The following RASGRF2 variants were observed in gnomAD, a reference collection of about 807,000 sequenced individuals.
RASGRF2 encodes Ras protein specific guanine nucleotide releasing factor 2.
Under a neutral mutation model 151.0 loss-of-function variants are expected in RASGRF2, and 76 were observed. The observed-to-expected ratio is 0.50, with a 90% CI of 0.42 to 0.61. RASGRF2 has a LOEUF of 0.61. Ranked by LOEUF, RASGRF2 falls within the 20% of genes least tolerant of loss-of-function variation. The probability of loss-of-function intolerance (pLI) is 0.00; values close to 1 mark genes in which losing one functional copy is unlikely to be tolerated. For missense variants in RASGRF2, 1,148 were observed against 1,564.6 expected (o/e 0.73, Z 4.49); for synonymous variants, 504 against 566.5 (o/e 0.89, Z 1.57).
chr5:81,178,761 C>T (rs1490615023), intron 17 of RASGRF2, among the ~76,000 whole-genome samples: 3 of 151,070 alleles, frequency 2.0e-5, no homozygotes, highest in East Asian at 3.9e-4. Flanking sequence ...TTTTTTGAGA[C>T]GGAGTCTCGC....
intron 25 of RASGRF2, among the ~76,000 whole-genome samples, chr5:81,218,960 G>A (rs1380718902): frequency 1.3e-5 from 2 of 152,086 alleles, no homozygotes; most frequent in Non-Finnish European, 2.9e-5. Context: ...TGATTGAGGA[G>A]ATTTTTGGCA....
intron 1 of RASGRF2, among the ~76,000 whole-genome samples, chr5:81,005,006 A>T (rs1271733694): frequency 1.3e-5 from 2 of 152,180 alleles, no homozygotes; most frequent in Non-Finnish European, 2.9e-5. Flanking sequence ...GCCCTTAGCC[A>T]TCATCTCCTA....
intron 1 of RASGRF2, among the ~76,000 whole-genome samples, chr5:81,008,796 T>C (rs1749360779): frequency 2.6e-5 from 4 of 152,212 alleles, no homozygotes; most frequent in African/African-American, 9.7e-5. Context: ...AGAACCATTA[T>C]AAAATTCAAG....
chr5:81,224,959 T>C (rs1755941984), intron 26 of RASGRF2, among the ~76,000 whole-genome samples: 1 of 152,136 alleles, frequency 6.6e-6, no homozygotes, highest in Admixed American at 6.6e-5. Flanking sequence ...GTAAGTTACA[T>C]GGTGTATACA....
Position 81,020,660 on chromosome 5 carries a change from G to C in RASGRF2, c.289-22217G>C, listed in dbSNP as rs189161867. Among the ~76,000 whole-genome samples the C allele has an allele frequency of 4.4e-3, 665 of 152,234 alleles. 6 individuals carry two copies. The highest frequency in any genetic ancestry group is 0.014 in the African/African-American group (579 of 41,548). The stretch of plus-strand genomic sequence containing the variant: ...GAGAGGGACTCCTTTTTGCCAGAAG[G>C]CTCCAGGGGAGGATTCTCTTGGAGT... On this transcript the variant is annotated intron_variant, in intron 1 of 26. Coordinates refer to ENST00000265080, the MANE Select transcript of RASGRF2 (RefSeq NM_006909.3).
At chr5:81,004,845 G>A (rs982373340) in intron 1 of RASGRF2, among the ~76,000 whole-genome samples, 1 of 152,186 alleles carries the variant, frequency 6.6e-6, no homozygotes, top group African/African-American at 2.4e-5. Context: ...CTATGTAGCT[G>A]ATTGTTCTTT....
intron 19 of RASGRF2, among the ~76,000 whole-genome samples, chr5:81,202,878 G>A (rs1201843699): frequency 6.6e-6 from 1 of 152,264 alleles, no homozygotes; most frequent in Non-Finnish European, 1.5e-5. Context: ...AAAGGCAAGG[G>A]AGGGTTCCCC....
intron 15 of RASGRF2, among the ~76,000 whole-genome samples, chr5:81,114,368 G>T (rs1753092532): frequency 6.6e-6 from 1 of 152,210 alleles, no homozygotes; most frequent in African/African-American, 2.4e-5. Flanking sequence ...CCCTGCTGAG[G>T]ATGAGCTAGG....
At chr5:81,191,625 C>T (rs1197522554) in intron 18 of RASGRF2, among the ~76,000 whole-genome samples, 1 of 151,890 alleles carries the variant, frequency 6.6e-6, no homozygotes, top group Non-Finnish European at 1.5e-5. Context: ...TTGAAAATGA[C>T]AATCCATATA....
intron 1 of RASGRF2, among the ~76,000 whole-genome samples, chr5:80,969,208 G>T (rs1747823366): frequency 6.9e-6 from 1 of 144,344 alleles, no homozygotes; most frequent in Non-Finnish European, 1.5e-5. Flanking sequence ...TCAGCTCACG[G>T]CAATCTCTGC....
intron 2 of RASGRF2, among the ~76,000 whole-genome samples, chr5:81,044,378 A>G (rs1750770074): frequency 6.6e-6 from 1 of 152,106 alleles, no homozygotes; most frequent in African/African-American, 2.4e-5. Context: ...AGATCACACC[A>G]CTGCACTCCA....
intron 2 of RASGRF2, among the ~76,000 whole-genome samples, chr5:81,059,584 C>T (rs1389565235): frequency 6.6e-5 from 10 of 151,960 alleles, no homozygotes; most frequent in African/African-American, 2.4e-4. Flanking sequence ...CGGTGGCTCA[C>T]ACCTGTAATC....
intron 17 of RASGRF2, among the ~76,000 whole-genome samples, chr5:81,163,331 A>C (rs1754430889): frequency 6.6e-6 from 1 of 152,166 alleles, no homozygotes. Flanking sequence ...CACGCCCCAA[A>C]GTACAGAGAG....
chr5:80,964,426 T>A (rs34476345), intron 1 of RASGRF2, among the ~76,000 whole-genome samples: 1 of 152,174 alleles, frequency 6.6e-6, no homozygotes, highest in South Asian at 2.1e-4. Context: ...GTGCTCTTGG[T>A]GGCTGTTATC....
intron 1 of RASGRF2, among the ~76,000 whole-genome samples, chr5:81,029,227 G>T (rs181029036): frequency 3.2e-4 from 48 of 152,364 alleles, no homozygotes; most frequent in African/African-American, 1.1e-3. Flanking sequence ...TGAGGGCAGG[G>T]CATAGCTGAA....
At chr5:81,058,281 TAAG>T (rs936105012) in intron 2 of RASGRF2, among the ~76,000 whole-genome samples, 5 of 152,108 alleles carry the variant, frequency 3.3e-5, no homozygotes, top group African/African-American at 1.2e-4. Flanking sequence ...ATGAAAATAA[TAAG>T]GAGATTAGGC....
rs759919773 is a variant in RASGRF2 at position 81,228,405 on chromosome 5, C to G, written c.*2635C>G. Reference sequence around the variant, plus strand: ...TCAATTTGGTCAAATTAAAAATCCCCAAGAGCAATTTGCAGTGTTTTTTCT... The same window carrying G: ...TCAATTTGGTCAAATTAAAAATCCCGAAGAGCAATTTGCAGTGTTTTTTCT... On this transcript the variant is annotated 3_prime_UTR_variant, in exon 27 of 27. Transcript: ENST00000265080. 1 of 152,138 alleles carries G rather than the reference C, an allele frequency of 6.6e-6. No individual in the cohort carries two copies. Among genetic ancestry groups the G allele is most frequent in the Non-Finnish European group, 1.5e-5 (1 of 68,030 alleles). 9.4% of individuals were successfully genotyped at this position (152,138 alleles called of 1,614,324 possible).
intron 12 of RASGRF2, among the ~76,000 whole-genome samples, chr5:81,095,825 C>T (rs1388922494): frequency 6.6e-6 from 1 of 151,924 alleles, no homozygotes; most frequent in East Asian, 1.9e-4. Context: ...TTATTTGGAA[C>T]TTAATTCTTT....
chr5:81,131,962 A>G (rs1753633169), intron 17 of RASGRF2, among the ~76,000 whole-genome samples: 1 of 152,214 alleles, frequency 6.6e-6, no homozygotes, highest in Non-Finnish European at 1.5e-5. Flanking sequence ...TTTCTCTGAC[A>G]AAGAAACACA....
Sources: allele counts gnomAD v4.1 joint callset (sites outside exome capture counted in the v4.1 genomes callset), GRCh38; gene constraint gnomAD v4.1.1; transcripts MANE v1.5; gene names NCBI Gene and HGNC (gene_info 2026-07-23, HGNC 2026-07-21).